The following PCDH15 variants were observed in gnomAD, a reference collection of about 807,000 sequenced individuals.
PCDH15 encodes the protein protocadherin related 15.
A neutral mutation model predicts 178.5 loss-of-function variants in PCDH15; 129 were observed. The ratio of observed to expected loss-of-function variants is 0.72; its 90% CI spans 0.63 to 0.84. The LOEUF is 0.84. Among genes scored for constraint, PCDH15 ranks in the 40% least tolerant of loss-of-function variants. The pLI is 0.00. For missense variants in PCDH15, 2,230 were observed against 2,099.9 expected, an observed-to-expected ratio of 1.06 and a Z score of -1.21; for synonymous variants, 800 against 732.0, an observed-to-expected ratio of 1.09 and a Z score of -1.50.
chr10:55,495,499 G>A (rs894673839), intron 2 of PCDH15, among the ~76,000 whole-genome samples: 5 of 151,692 alleles, frequency 3.3e-5, no homozygotes, highest in African/African-American at 1.2e-4. Flanking sequence ...GCCAAAAGCA[G>A]AGCAAAGATT....
chr10:54,660,556 T>G (rs543977624), intron 2 of PCDH15, among the ~76,000 whole-genome samples: 1 of 152,210 alleles, frequency 6.6e-6, no homozygotes, highest in South Asian at 2.1e-4. Context: ...GTACCCATCT[T>G]GTATAAACTA....
At chr10:54,558,883 G>GAT in intron 2 of PCDH15, among the ~76,000 whole-genome samples, 1 of 151,946 alleles carries the variant, frequency 6.6e-6, no homozygotes, top group Admixed American at 6.6e-5. Flanking sequence ...TTGTATACAT[G>GAT]TTTGTTTCTA....
At chr10:54,971,310 G>A (rs1260210178) in intron 2 of PCDH15, among the ~76,000 whole-genome samples, 1 of 152,090 alleles carries the variant, frequency 6.6e-6, no homozygotes, top group East Asian at 1.9e-4. Context: ...AATGGCTGAG[G>A]GAACTGGATG....
At chr10:54,252,202 C>T (rs574031532) in intron 8 of PCDH15, among the ~76,000 whole-genome samples, 1 of 152,078 alleles carries the variant, frequency 6.6e-6, no homozygotes, top group Non-Finnish European at 1.5e-5. Context: ...TACTTAGACC[C>T]CTTGTTTCTA....
At chr10:54,046,759 T>C (rs2093664320) in intron 18 of PCDH15, among the ~76,000 whole-genome samples, 1 of 152,168 alleles carries the variant, frequency 6.6e-6, no homozygotes, top group Non-Finnish European at 1.5e-5. Flanking sequence ...TGTATAATAA[T>C]ATACTAAACT....
At chr10:54,820,539 A>C (rs1170099397) in intron 3 of PCDH15, among the ~76,000 whole-genome samples, 3 of 152,060 alleles carry the variant, frequency 2.0e-5, no homozygotes, top group Non-Finnish European at 2.9e-5. Flanking sequence ...ATAAATTTTA[A>C]ATTCTGCCTT....
chr10:55,272,911 G>A (rs936993424), intron 1 of PCDH15, among the ~76,000 whole-genome samples: 37 of 152,000 alleles, frequency 2.4e-4, no homozygotes, highest in East Asian at 3.9e-4. Context: ...AAAATACTCC[G>A]AACATATCTT....
intron 2 of PCDH15, among the ~76,000 whole-genome samples, chr10:55,066,926 T>C (rs911057670): frequency 6.6e-6 from 1 of 152,000 alleles, no homozygotes; most frequent in Non-Finnish European, 1.5e-5. Flanking sequence ...ATTATACTAA[T>C]ACACAAAAAT....
intron 3 of PCDH15, among the ~76,000 whole-genome samples, chr10:54,809,373 T>C (rs540067354): frequency 9.5e-4 from 144 of 152,234 alleles, no homozygotes; most frequent in African/African-American, 3.3e-3. Flanking sequence ...AAATGAAACT[T>C]AATTCTGGGG....
intron 1 of PCDH15, among the ~76,000 whole-genome samples, chr10:55,207,986 A>T (rs183059161): frequency 5.3e-5 from 8 of 152,208 alleles, no homozygotes; most frequent in Admixed American, 5.2e-4. Flanking sequence ...AAACAAACAA[A>T]CAAAAAATTA....
chr10:54,228,331 G>C (rs2134273425), intron 9 of PCDH15, among the ~76,000 whole-genome samples: 1 of 152,070 alleles, frequency 6.6e-6, no homozygotes, highest in Admixed American at 6.5e-5. Flanking sequence ...ACTTGTGCAG[G>C]GGAACTCCTC....
chr10:54,599,962 A>T (rs1426015581), intron 2 of PCDH15: 13 of 1,057,510 alleles, frequency 1.2e-5, no homozygotes, highest in Non-Finnish European at 1.7e-5. Context: ...CAAGGTGGAA[A>T]AGCCAGAAAA....
chr10:54,130,214 T>C lies in PCDH15; in HGVS notation c.1917+2661A>G, dbSNP rs149057701. Among the ~76,000 whole-genome samples, 368 of 152,258 alleles carry C rather than the reference T, an allele frequency of 2.4e-3. 2 individuals are homozygous for C. Among genetic ancestry groups the C allele is most frequent in the African/African-American group, 7.9e-3 (329 of 41,558 alleles). The stretch of plus-strand genomic sequence containing the variant: ...ATTAGCTCTATATTGGGTGGTGTGC[T>C]GATGAATGCTTAACAAAAAAACTTT... On this transcript the variant is annotated intron_variant, in intron 15 of 37. Coordinates refer to ENST00000644397, the MANE Select transcript of PCDH15 (RefSeq NM_001384140.1).
At chr10:55,271,575 G>A (rs1842445253) in intron 1 of PCDH15, among the ~76,000 whole-genome samples, 1 of 152,000 alleles carries the variant, frequency 6.6e-6, no homozygotes, top group Non-Finnish European at 1.5e-5. Context: ...ACAATTTATT[G>A]TTTGTAGCTT....
In PCDH15 at chr10:54,333,913, C is replaced by T. The variant is rs1940439682; in HGVS notation, c.595-4207G>A. ...TTCTTTCATTCTTAGAGATTTGTTC[C>T]ACCAATGAGGCAGAAAAGTTTGGGA... On this transcript the variant is annotated intron_variant, in intron 6 of 37. Coordinates refer to ENST00000644397, the MANE Select transcript of PCDH15 (RefSeq NM_001384140.1). Among the ~76,000 whole-genome samples, 4 of 152,094 alleles carry T rather than the reference C, an allele frequency of 2.6e-5. No homozygotes were observed. The South Asian group carries it at 8.3e-4, about 32-fold the overall frequency.
At chr10:55,256,660 G>A (rs921263571) in intron 1 of PCDH15, among the ~76,000 whole-genome samples, 2 of 152,180 alleles carry the variant, frequency 1.3e-5, no homozygotes, top group Admixed American at 6.5e-5. Flanking sequence ...ACTGCAAGGC[G>A]GCAGCGAGGC....
At chr10:55,033,073 G>A (rs1316753048) in intron 2 of PCDH15, among the ~76,000 whole-genome samples, 1 of 152,084 alleles carries the variant, frequency 6.6e-6, no homozygotes, top group Non-Finnish European at 1.5e-5. Context: ...GAGCTGTGGA[G>A]GCTTGGATTT....
chr10:53,851,660 A>T, intron 28 of PCDH15, among the ~76,000 whole-genome samples: 1 of 132,988 alleles, frequency 7.5e-6, no homozygotes, highest in Non-Finnish European at 1.6e-5. Context: ...CCTTCTAATT[A>T]TCCTCCTAGA....
At chr10:54,205,720 A>G (rs973562877) in intron 10 of PCDH15, among the ~76,000 whole-genome samples, 7 of 152,232 alleles carry the variant, frequency 4.6e-5, no homozygotes, top group African/African-American at 1.7e-4. Context: ...TAAAACCTAC[A>G]GGAGCCTCCT....
Sources: allele counts gnomAD v4.1 joint callset (sites outside exome capture counted in the v4.1 genomes callset), GRCh38; gene constraint gnomAD v4.1.1; transcripts MANE v1.5; gene names NCBI Gene and HGNC (gene_info 2026-07-23, HGNC 2026-07-21).